The following TTC39B variants were observed in gnomAD, a reference collection of about 807,000 sequenced individuals.
TTC39B encodes tetratricopeptide repeat domain 39B, also known as tetratricopeptide repeat protein 39B.
Under a neutral mutation model 96.6 loss-of-function variants are expected in TTC39B, and 92 were observed. That is an observed-to-expected ratio of 0.95 (90% CI 0.80 to 1.13). The LOEUF (loss-of-function observed/expected upper bound fraction) is 1.13, where lower values mean the gene tolerates loss of function less well. Ranked by LOEUF, TTC39B falls within the 50% of genes most tolerant of loss-of-function variation. TTC39B has a pLI of 0.00. For missense variants in TTC39B, 955 were observed against 809.3 expected, an observed-to-expected ratio of 1.18 and a Z score of -2.18; for synonymous variants, 367 against 299.4, an observed-to-expected ratio of 1.23 and a Z score of -2.33.
intron 2 of TTC39B, among the ~76,000 whole-genome samples, chr9:15,251,167 C>G (rs1033677771): frequency 1.3e-5 from 2 of 151,744 alleles, no homozygotes; most frequent in Non-Finnish European, 2.9e-5. Flanking sequence ...CTGCACTCTG[C>G]CCTGGATGAC....
intron 1 of TTC39B, among the ~76,000 whole-genome samples, chr9:15,298,655 A>T (rs781437077): frequency 2.0e-5 from 3 of 152,132 alleles, no homozygotes; most frequent in Non-Finnish European, 4.4e-5. Context: ...ACACGTGGGG[A>T]TTATGTGAGC....
intron 10 of TTC39B, 83 bp downstream of exon 10, chr9:15,191,107 T>A: frequency 3.3e-6 from 3 of 922,276 alleles, no homozygotes; most frequent in Non-Finnish European, 5.2e-6. Context: ...AAGGTAGTTA[T>A]GCAGACATGT....
At chr9:15,199,005 A>G (rs138134681) in intron 8 of TTC39B, among the ~76,000 whole-genome samples, 40 of 152,334 alleles carry the variant, frequency 2.6e-4, no homozygotes, top group African/African-American at 9.4e-4. Flanking sequence ...AGAATTATAA[A>G]TACATATTAT....
At chr9:15,303,902 TG>T (rs1161408297) in intron 1 of TTC39B, among the ~76,000 whole-genome samples, 5 of 152,198 alleles carry the variant, frequency 3.3e-5, no homozygotes, top group African/African-American at 7.2e-5. Flanking sequence ...CCCAAAGTGA[TG>T]GGATTACAGG....
intron 1 of TTC39B, among the ~76,000 whole-genome samples, chr9:15,302,212 G>T (rs1438337400): frequency 1.3e-5 from 2 of 151,522 alleles, no homozygotes; most frequent in African/African-American, 4.9e-5. Flanking sequence ...TGCAATTCCA[G>T]CTTCTCCGGA....
intron 1 of TTC39B, among the ~76,000 whole-genome samples, chr9:15,290,466 A>G (rs746810760): frequency 6.6e-6 from 1 of 152,194 alleles, no homozygotes; most frequent in Admixed American, 6.5e-5. Flanking sequence ...TCTTTACCAT[A>G]AAACAGAGTT....
intron 1 of TTC39B, among the ~76,000 whole-genome samples, chr9:15,289,777 C>A (rs1824115719): frequency 6.6e-6 from 1 of 152,198 alleles, no homozygotes; most frequent in African/African-American, 2.4e-5. Context: ...ATACTTCCAG[C>A]AGGAACCTAA....
intron 4 of TTC39B, among the ~76,000 whole-genome samples, chr9:15,212,572 T>C (rs902359720): frequency 1.3e-5 from 2 of 152,162 alleles, no homozygotes; most frequent in East Asian, 1.9e-4. Flanking sequence ...ATTACAGGCA[T>C]GCACCACCAT....
At chr9:15,248,108 G>A (rs1279848632) in intron 2 of TTC39B, among the ~76,000 whole-genome samples, 1 of 152,132 alleles carries the variant, frequency 6.6e-6, no homozygotes, top group Non-Finnish European at 1.5e-5. Context: ...ATAGATACTG[G>A]GCCTGGCACA....
In TTC39B at chr9:15,307,102, CGCTCG is replaced by C. The variant is rs1276980851; in HGVS notation, c.217_221del (p.Arg73GlyfsTer35). 3 of 1,610,508 alleles carry C rather than the reference CGCTCG, an allele frequency of 1.9e-6. No individual in the cohort carries two copies. Among genetic ancestry groups the C allele is most frequent in the Non-Finnish European group, 2.5e-6 (3 of 1,178,530 alleles). Reference sequence around the variant, plus strand: ...ATCGTACCTCGTCCGCTTCCAGCTCCGCTCGGCTGCCTAAGAGCGCCATATTCCTC... The same window carrying C: ...ATCGTACCTCGTCCGCTTCCAGCTCCGCTGCCTAAGAGCGCCATATTCCTC... On this transcript the variant is annotated frameshift_variant, in exon 1 of 20. Coordinates refer to ENST00000512701, the Ensembl canonical transcript of TTC39B. LOFTEE classifies it high-confidence loss of function.
chr9:15,295,976 G>A (rs903790067), intron 1 of TTC39B, among the ~76,000 whole-genome samples: 1 of 152,164 alleles, frequency 6.6e-6, no homozygotes, highest in African/African-American at 2.4e-5. Flanking sequence ...GTCCTCATCT[G>A]TCTTGTCTAC....
intron 8 of TTC39B, among the ~76,000 whole-genome samples, chr9:15,197,587 G>C (rs187939044): frequency 1.3e-5 from 2 of 152,146 alleles, no homozygotes; most frequent in East Asian, 3.9e-4. Flanking sequence ...GGAAAATGAA[G>C]GGAAAAAAGT....
intron 1 of TTC39B, among the ~76,000 whole-genome samples, chr9:15,289,921 C>T (rs1360878459): frequency 1.3e-5 from 2 of 152,136 alleles, no homozygotes; most frequent in African/African-American, 2.4e-5. Flanking sequence ...GTAATTCATA[C>T]AGCCCTTGAC....
At chr9:15,278,076 T>C (rs944667883) in intron 1 of TTC39B, among the ~76,000 whole-genome samples, 2 of 152,144 alleles carry the variant, frequency 1.3e-5, no homozygotes, top group African/African-American at 4.8e-5. Flanking sequence ...AAAAAAGAAA[T>C]GAAAAGGTTA....
chr9:15,259,557 GC>G, intron 2 of TTC39B, among the ~76,000 whole-genome samples: 1 of 152,232 alleles, frequency 6.6e-6, no homozygotes, highest in South Asian at 2.1e-4. Flanking sequence ...AGACTCAAAT[GC>G]CCATCAACTG....
rs544083548 is a variant in TTC39B at position 15,303,645 on chromosome 9, T to C, written c.240+3439A>G. Among the ~76,000 whole-genome samples, 588 of 152,232 alleles carry C rather than the reference T, an allele frequency of 3.9e-3. 6 individuals carry two copies. The highest frequency in any genetic ancestry group is 0.014 in the African/African-American group (566 of 41,552). On this transcript the variant is annotated intron_variant, in intron 1 of 19. Coordinates refer to ENST00000512701, the Ensembl canonical transcript of TTC39B. ...TCATATGAGAAAAATTTTTTTTTTTTTTCTGAGATGGAGTTTTACTCTTGT... is the reference window on the plus strand; with the variant it reads ...TCATATGAGAAAAATTTTTTTTTTTCTTCTGAGATGGAGTTTTACTCTTGT...
intron 2 of TTC39B, among the ~76,000 whole-genome samples, chr9:15,263,593 C>T (rs1190664756): frequency 5.9e-5 from 9 of 152,180 alleles, no homozygotes; most frequent in East Asian, 1.9e-4. Context: ...AGCTCTGCTT[C>T]GGAAACAACC....
At chr9:15,247,719 G>A (rs1300877324) in intron 2 of TTC39B, among the ~76,000 whole-genome samples, 1 of 152,014 alleles carries the variant, frequency 6.6e-6, no homozygotes, top group African/African-American at 2.4e-5. Flanking sequence ...GTTAACAGGT[G>A]GAAAGCAAGT....
chr9:15,166,804 A>G (rs2118288648), exon 20 of TTC39B: 1 of 151,486 alleles, frequency 6.6e-6, no homozygotes, highest in East Asian at 2.0e-4. Flanking sequence ...AACAATGTCT[A>G]TTTATTATTT....
Sources: allele counts gnomAD v4.1 joint callset (sites outside exome capture counted in the v4.1 genomes callset), GRCh38; gene constraint gnomAD v4.1.1; transcripts MANE v1.5; gene names NCBI Gene and HGNC (gene_info 2026-07-23, HGNC 2026-07-21).